PDE4D: variants seen among roughly 807,000 people sequenced by gnomAD.
PDE4D encodes phosphodiesterase 4D, also known as 3',5'-cyclic-AMP phosphodiesterase 4D.
PDE4D carries 24 observed loss-of-function variants against 87.4 expected under a neutral mutation model. The ratio of observed to expected loss-of-function variants is 0.27; its 90% confidence interval spans 0.20 to 0.39. PDE4D has a LOEUF of 0.39. Among genes scored for constraint, PDE4D ranks in the 10% least tolerant of loss-of-function variants. PDE4D has a pLI of 1.00. For missense variants in PDE4D, 714 were observed against 1,041.0 expected (o/e 0.69, Z 4.32); for synonymous variants, 384 against 383.2 (o/e 1.00, Z -0.02).
intron 1 of PDE4D, chr5:59,586,486 T>C: frequency 5.1e-6 from 7 of 1,383,962 alleles, no homozygotes; most frequent in Non-Finnish European, 6.5e-6. Context: ...GGGCAATTAT[T>C]GCAACAAGTA....
At position 60,255,398 on chromosome 5, in the gene PDE4D, A is replaced by C. The variant is rs894330614; in HGVS notation, c.-89-69711T>G. ...AACTCATTGGAACTTCTCAGAATACACAAGGAATCCCTCTTTTATATGTCA... is the reference window on the plus strand; with the variant it reads ...AACTCATTGGAACTTCTCAGAATACCCAAGGAATCCCTCTTTTATATGTCA... On this transcript the variant is annotated intron_variant, in intron 1 of 16. Coordinates refer to the PDE4D transcript ENST00000502484. Among the ~76,000 whole-genome samples the C allele has an allele frequency of 4.0e-5, 6 of 151,884 alleles. No individual in the cohort carries two copies. The South Asian group carries it at 6.2e-4, about 16-fold the overall frequency.
rs1264714132 is a variant in PDE4D, at chr5:59,046,474, G to T, written c.809-7503C>A. 2.0e-5 allele frequency among the ~76,000 whole-genome samples: 3 copies of T among 150,874 alleles called. No homozygotes were observed. The East Asian group carries it at 5.9e-4, about 30-fold the overall frequency. On this transcript the variant is annotated intron_variant, in intron 5 of 14. Coordinates refer to ENST00000340635, the MANE Select transcript of PDE4D (RefSeq NM_001104631.2). ...TGTGTAAGAGAAAGGAGTCAGCTTGGTCTAAAGGGTAACTCCAATTTGTAC... is the reference window on the plus strand; with the variant it reads ...TGTGTAAGAGAAAGGAGTCAGCTTGTTCTAAAGGGTAACTCCAATTTGTAC...
chr5:60,285,466 A>T (rs1166129390), intron 1 of PDE4D, among the ~76,000 whole-genome samples: 1 of 152,098 alleles, frequency 6.6e-6, no homozygotes, highest in Non-Finnish European at 1.5e-5. Flanking sequence ...AACAAACAAA[A>T]AAAAAACCTG....
At chr5:59,757,983 C>G (rs1325694380) in intron 1 of PDE4D, among the ~76,000 whole-genome samples, 1 of 152,190 alleles carries the variant, frequency 6.6e-6, no homozygotes, top group Non-Finnish European at 1.5e-5. Flanking sequence ...AGGGCTCTGT[C>G]TCTACCTTTC....
intron 3 of PDE4D, among the ~76,000 whole-genome samples, chr5:59,979,892 T>C (rs1357142752): frequency 6.6e-6 from 1 of 152,160 alleles, no homozygotes; most frequent in Non-Finnish European, 1.5e-5. Flanking sequence ...ATAGTTTTTT[T>C]CTATATACAG....
chr5:59,719,213 A>G (rs1755471869), intron 1 of PDE4D, among the ~76,000 whole-genome samples: 1 of 152,112 alleles, frequency 6.6e-6, no homozygotes, highest in Admixed American at 6.6e-5. Flanking sequence ...CCAGGAGAAA[A>G]AAAAAGGCCT....
At chr5:59,017,350 C>A (rs879404860) in intron 6 of PDE4D, among the ~76,000 whole-genome samples, 7 of 152,156 alleles carry the variant, frequency 4.6e-5, no homozygotes, top group Non-Finnish European at 7.3e-5. Context: ...AGAATCAACT[C>A]CTAGACTTCT....
intron 5 of PDE4D, among the ~76,000 whole-genome samples, chr5:59,098,490 G>A (rs953705982): frequency 6.6e-6 from 1 of 151,778 alleles, no homozygotes; most frequent in Non-Finnish European, 1.5e-5. Flanking sequence ...TTGAGTACAT[G>A]AGTTTGAGAC....
intron 1 of PDE4D, among the ~76,000 whole-genome samples, chr5:59,242,293 A>G (rs993062394): frequency 6.6e-6 from 1 of 152,146 alleles, no homozygotes; most frequent in East Asian, 1.9e-4. Context: ...TTATAGCTCT[A>G]TGGTGGCCTG....
chr5:59,713,075 A>G (rs1204341246), intron 1 of PDE4D, among the ~76,000 whole-genome samples: 1 of 152,228 alleles, frequency 6.6e-6, no homozygotes, highest in Non-Finnish European at 1.5e-5. Flanking sequence ...GCATTAAAAC[A>G]AAGTTAAATA....
intron 3 of PDE4D, among the ~76,000 whole-genome samples, chr5:59,922,832 G>A (rs1465209701): frequency 6.6e-6 from 1 of 151,764 alleles, no homozygotes; most frequent in Non-Finnish European, 1.5e-5. Context: ...GAGAAAGAAG[G>A]GTAAAGAGGA....
chr5:60,364,960 C>T (rs772646131), intron 1 of PDE4D, among the ~76,000 whole-genome samples: 3 of 152,124 alleles, frequency 2.0e-5, no homozygotes, highest in Admixed American at 6.6e-5. Flanking sequence ...TTGATAGACT[C>T]GCTTCAGAAA....
chr5:59,377,199 C>T (rs774689844), intron 1 of PDE4D, among the ~76,000 whole-genome samples: 9 of 151,922 alleles, frequency 5.9e-5, no homozygotes, highest in Non-Finnish European at 1.2e-4. Flanking sequence ...AGGCAGATCA[C>T]GAGGTCAGGA....
At chr5:58,997,986 T>C (rs570536926) in intron 6 of PDE4D, among the ~76,000 whole-genome samples, 2 of 152,240 alleles carry the variant, frequency 1.3e-5, no homozygotes, top group East Asian at 3.9e-4. Context: ...ATGGGTCCAA[T>C]AGTAAGAAAA....
chr5:59,033,431 C>T (rs1444213571), intron 6 of PDE4D, among the ~76,000 whole-genome samples: 1 of 152,186 alleles, frequency 6.6e-6, no homozygotes, highest in Non-Finnish European at 1.5e-5. Context: ...ACTAGAGCTA[C>T]GCTATCACAA....
intron 1 of PDE4D, among the ~76,000 whole-genome samples, chr5:59,497,997 C>G (rs1407322622): frequency 6.6e-6 from 1 of 151,940 alleles, no homozygotes; most frequent in Non-Finnish European, 1.5e-5. Context: ...CCATACAAGC[C>G]AGAAGAGATT....
At chr5:60,310,318 T>C (rs181009454) in intron 1 of PDE4D, among the ~76,000 whole-genome samples, 1 of 152,282 alleles carries the variant, frequency 6.6e-6, no homozygotes, top group Non-Finnish European at 1.5e-5. Flanking sequence ...AGAAGAACAA[T>C]AAAAATCAAG....
intron 1 of PDE4D, among the ~76,000 whole-genome samples, chr5:60,386,263 A>AT (rs1464965424): frequency 1.3e-5 from 2 of 152,012 alleles, no homozygotes; most frequent in South Asian, 4.1e-4. Context: ...CTATAAATCA[A>AT]TTTTTTTCAC....
intron 6 of PDE4D, among the ~76,000 whole-genome samples, chr5:59,012,029 T>C (rs1752916184): frequency 6.6e-6 from 1 of 152,136 alleles, no homozygotes; most frequent in Non-Finnish European, 1.5e-5. Flanking sequence ...AATTTTCAAC[T>C]CAGAATTTCA....
Sources: allele counts gnomAD v4.1 joint callset (sites outside exome capture counted in the v4.1 genomes callset), GRCh38; gene constraint gnomAD v4.1.1; transcripts MANE v1.5; gene names NCBI Gene and HGNC (gene_info 2026-07-23, HGNC 2026-07-21).